The following ZNF347 variants were observed in gnomAD, a reference collection of about 807,000 sequenced individuals.
ZNF347 encodes the protein zinc finger protein 347.
Under a neutral mutation model 12.9 loss-of-function variants are expected in ZNF347, and 19 were observed. The ratio of observed to expected loss-of-function variants is 1.47; its 90% confidence interval spans 1.03 to 2.16. ZNF347 has a LOEUF of 2.16. ZNF347 is among the 30% of genes most tolerant of loss of function. ZNF347 has a pLI of 0.00. For synonymous variants in ZNF347, 328 were observed against 340.6 expected, an observed-to-expected ratio of 0.96 and a Z score of 0.41; for missense variants, 1,005 against 990.6, an observed-to-expected ratio of 1.01 and a Z score of -0.19.
chr19:53,153,608 ACG>A, intron 2 of ZNF347, 123 bp downstream of exon 2: 1 of 1,453,434 alleles, frequency 6.9e-7, no homozygotes, highest in South Asian at 1.2e-5. Context: ...GAGGGAAGGC[ACG>A]CGTAAGTGCG....
rs1313993464 is a variant in ZNF347, at chr19:53,141,660, T to C, written c.1168A>G (p.Ile390Val). ...KAFRARSSLA[I>V]HQATHSGEKP... ...TCTCCACTGTGGGTTGCCTGATGGA[T>C]AGCTAAGCTTGAACGAGCTCTAAAG... The change falls in exon 5 of 5, where the codon ATC (isoleucine) becomes GTC (valine). Residue 390 changes from isoleucine (I) to valine (V), a missense_variant. By Grantham distance (29) the Ile-to-Val change is conservative. Transcript: ENST00000334197. The C allele has an allele frequency of 2.1e-5, 34 of 1,613,944 alleles. No individual in the cohort carries two copies. Among genetic ancestry groups the C allele is most frequent in the Non-Finnish European group, 2.8e-5 (33 of 1,180,006 alleles).
rs111331117 is a variant in ZNF347 at position 53,154,100 on chromosome 19, G to C, written c.-46-307C>G. Reference sequence around the variant, plus strand: ...GGGCTGGACTGAGCTCCCCCATTCAGGGCACAGACCAAGCCCTGACCAAAC... The same window carrying C: ...GGGCTGGACTGAGCTCCCCCATTCACGGCACAGACCAAGCCCTGACCAAAC... On this transcript the variant is annotated intron_variant, in intron 1 of 4. Transcript: ENST00000334197. Among the ~76,000 whole-genome samples the C allele has an allele frequency of 8.4e-3, 1,274 of 152,222 alleles. 17 individuals are homozygous for C. The highest frequency in any genetic ancestry group is 0.026 in the African/African-American group (1,093 of 41,532).
At chr19:53,151,019 C>T (rs1474127936) in intron 2 of ZNF347, among the ~76,000 whole-genome samples, 2 of 152,162 alleles carry the variant, frequency 1.3e-5, no homozygotes, top group African/African-American at 2.4e-5. Flanking sequence ...GGATTACAGG[C>T]GCAAGCCACT....
At position 53,149,121 on chromosome 19, in the gene ZNF347, T is replaced by C. The variant is rs1001875171; in HGVS notation, c.142+120A>G. The C allele has an allele frequency of 1.9e-6, 3 of 1,543,350 alleles. No individual in the cohort carries two copies. In the African/African-American group the frequency reaches 4.2e-5, roughly 22 times the overall value. ...GTTTCCACATTATGGAGATTTTCAT[T>C]TTTCAGTCAACACAGCTTCAGTCTC... On this transcript the variant is annotated intron_variant, in intron 3 of 4. Transcript: ENST00000334197.
At position 53,139,602 on chromosome 19, in the gene ZNF347, G is replaced by GAC. The variant is rs2090406593; in HGVS notation, c.*705_*706insGT. 1 of 152,124 alleles carries GAC rather than the reference G, an allele frequency of 6.6e-6. No individual in the cohort carries two copies. The highest frequency in any genetic ancestry group is 6.5e-5 in the Admixed American group (1 of 15,272). The allele number at this position is 152,124 out of a possible 1,614,324, so 9.4% of individuals were successfully genotyped here. A position where few individuals can be genotyped will look rare whatever the true frequency, so the allele number is the denominator to read the frequency against. ...TAATGTCTTAAGTTTTACCATATTG[G>GAC]AACGTGTAATTATTGTGCAGTTTAT... On this transcript the variant is annotated 3_prime_UTR_variant, in exon 5 of 5. Transcript: ENST00000334197.
Position 53,156,051 on chromosome 19 carries a change from G to A in ZNF347, c.-46-2258C>T, listed in dbSNP as rs866048779. ...TCCCAGGGGACTCCCAGCTCGGGGGGGGGGGGGGGTTAGGCGGGGGTCCTA... is the reference window on the plus strand; with the variant it reads ...TCCCAGGGGACTCCCAGCTCGGGGGAGGGGGGGGGTTAGGCGGGGGTCCTA... On this transcript the variant is annotated intron_variant, in intron 1 of 4. Transcript: ENST00000334197. Among the ~76,000 whole-genome samples, 525 of 139,760 alleles carry A rather than the reference G, an allele frequency of 3.8e-3. 31 individuals are homozygous for A. The highest frequency in any genetic ancestry group is 0.013 in the African/African-American group (492 of 37,142). The allele number at this position is 139,760 out of a possible 152,430, so 91.7% of individuals were successfully genotyped here. A position where few individuals can be genotyped will look rare whatever the true frequency, so the allele number is the denominator to read the frequency against.
In ZNF347 at chr19:53,149,222, G is replaced by A. The variant is rs60815959; in HGVS notation, c.142+19C>T. ...TACACAGGGGCAGATCCTGACTTCT[G>A]GAAGAAAGTCATCCTCACCCAGGGA... On this transcript the variant is annotated intron_variant, in intron 3 of 4. Transcript: ENST00000334197. 11 of 1,610,264 alleles carry A rather than the reference G, an allele frequency of 6.8e-6. No individual in the cohort carries two copies. Among genetic ancestry groups the A allele is most frequent in the East Asian group, 4.5e-5 (2 of 44,830 alleles).
rs756352407 is a variant in ZNF347 at position 53,141,032 on chromosome 19, C to T, written c.1796G>A (p.Cys599Tyr). The change falls in exon 5 of 5, where the codon TGT (cysteine) becomes TAT (tyrosine). Residue 599 changes from cysteine to tyrosine, a missense_variant. Coordinates refer to ENST00000334197, the MANE Select transcript of ZNF347 (RefSeq NM_032584.3). ...CCTAAAGACCTTGCCACATTCATTA[C>T]ATTTATAAGGTTTCTCTCCAGTATG... Reference protein sequence around the residue: ...GIHTGEKPYKCNECGKVFRHN... With the variant: ...GIHTGEKPYKYNECGKVFRHN... The T allele has an allele frequency of 6.2e-7, 1 of 1,613,268 alleles. No individual in the cohort carries two copies. Among genetic ancestry groups the T allele is most frequent in the Non-Finnish European group, 8.5e-7 (1 of 1,179,900 alleles).
intron 3 of ZNF347, 182 bp from the exon 4 acceptor site, chr19:53,148,991 C>T: frequency 5.5e-6 from 6 of 1,088,876 alleles, no homozygotes; most frequent in Non-Finnish European, 7.6e-6. Flanking sequence ...TAGCTCTCAT[C>T]CCAAAACCAC....
intron 1 of ZNF347, among the ~76,000 whole-genome samples, chr19:53,155,972 T>C (rs1040923969): frequency 1.5e-5 from 2 of 134,214 alleles, no homozygotes; most frequent in African/African-American, 5.6e-5. Context: ...ACAGAATACT[T>C]CACCTCTAGT....
In ZNF347 at chr19:53,136,797, GT is replaced by G. The variant is rs1230280461; in HGVS notation, c.*3510del. On this transcript the variant is annotated 3_prime_UTR_variant, in exon 5 of 5. Coordinates refer to ENST00000334197, the MANE Select transcript of ZNF347 (RefSeq NM_032584.3). ...TTTCACAAATATTTTCAAGAATGAC[GT>G]TGTGTAATGGGCCCTATGGGTTCAG... The G allele has an allele frequency of 6.6e-6, 1 of 152,132 alleles. No individual in the cohort carries two copies. The highest frequency in any genetic ancestry group is 2.4e-5 in the African/African-American group (1 of 41,404). 9.4% of individuals were successfully genotyped at this position (152,132 alleles called of 1,614,324 possible).
rs528287032 is a variant in ZNF347, at chr19:53,138,005, C to T, written c.*2303G>A. ...GTATTTTTTAGTAGAGATGGGGTTT[C>T]ACTGTGTTGGCCAGGGTGGTCTCGA... is the stretch of plus-strand genomic sequence containing the variant. On this transcript the variant is annotated 3_prime_UTR_variant, in exon 5 of 5. Coordinates refer to ENST00000334197, the MANE Select transcript of ZNF347 (RefSeq NM_032584.3). The T allele has an allele frequency of 6.6e-6, 1 of 152,242 alleles. No individual in the cohort carries two copies. Among genetic ancestry groups the T allele is most frequent in the African/African-American group, 2.4e-5 (1 of 41,548 alleles). 9.4% of individuals were successfully genotyped at this position (152,242 alleles called of 1,614,324 possible).
chr19:53,158,288 T>G (rs1278001306), intron 1 of ZNF347, among the ~76,000 whole-genome samples: 43 of 151,858 alleles, frequency 2.8e-4, no homozygotes, highest in African/African-American at 1.0e-3. Flanking sequence ...GACGGCGCCT[T>G]AGAAGAGGGG....
Position 53,140,057 on chromosome 19 carries a change from G to A in ZNF347, c.*251C>T. The A allele has an allele frequency of 2.5e-6, 1 of 394,078 alleles. No individual in the cohort carries two copies. Among genetic ancestry groups the A allele is most frequent in the South Asian group, 4.7e-5 (1 of 21,214 alleles). The allele number at this position is 394,078 out of a possible 1,614,324, so 24.4% of individuals were successfully genotyped here. ...CTGGGATTACAGGCGCACGCCACCA[G>A]GCCTAGCTAATTGTGTACTTTTAGT... is the stretch of plus-strand genomic sequence containing the variant. On this transcript the variant is annotated 3_prime_UTR_variant, in exon 5 of 5. Coordinates refer to ENST00000334197, the MANE Select transcript of ZNF347 (RefSeq NM_032584.3).
Position 53,135,703 on chromosome 19 carries a change from G to A in ZNF347, c.*4605C>T, listed in dbSNP as rs2090385339. The A allele has an allele frequency of 6.6e-6, 1 of 152,056 alleles. No homozygotes were observed. Among genetic ancestry groups the A allele is most frequent in the African/African-American group, 2.4e-5 (1 of 41,402 alleles). The allele number at this position is 152,056 out of a possible 1,614,324, so 9.4% of individuals were successfully genotyped here. A position where few individuals can be genotyped will look rare whatever the true frequency, so the allele number is the denominator to read the frequency against. Reference sequence around the variant, plus strand: ...TGATTATTTTGCTTATCTGTCCTAAGTTTCCTCACCTCTGAAATGAGAATA... The same window carrying A: ...TGATTATTTTGCTTATCTGTCCTAAATTTCCTCACCTCTGAAATGAGAATA... On this transcript the variant is annotated 3_prime_UTR_variant, in exon 5 of 5. Transcript: ENST00000334197.
intron 1 of ZNF347, among the ~76,000 whole-genome samples, chr19:53,156,058 G>GGGGGGA: frequency 7.8e-6 from 1 of 128,020 alleles, no homozygotes; most frequent in East Asian, 2.6e-4. Context: ...GGGGGGGGGG[G>GGGGGGA]GGTTAGGCGG....
In ZNF347 at chr19:53,147,419, G is replaced by A. The variant is rs79711772; in HGVS notation, c.271+1262C>T. Among the ~76,000 whole-genome samples the A allele has an allele frequency of 8.9e-4, 135 of 151,994 alleles. No individual in the cohort carries two copies. In the East Asian group the frequency reaches 0.024, roughly 27 times the overall value. On this transcript the variant is annotated intron_variant, in intron 4 of 4. Transcript: ENST00000334197. ...AACAAAAAAACACAATTAGTTGGGC[G>A]TGGTAGTGTGTGCCTGTAACCCCAG...
rs148026925 is a variant in ZNF347, at chr19:53,136,671, C to G, written c.*3637G>C. The stretch of plus-strand genomic sequence containing the variant: ...ATATAACACAGCCTTTGGAAAAATG[C>G]CCTTTGGCTAAAATTGCTTGATCAT... On this transcript the variant is annotated 3_prime_UTR_variant, in exon 5 of 5. Coordinates refer to ENST00000334197, the MANE Select transcript of ZNF347 (RefSeq NM_032584.3). 162 of 152,108 alleles carry G rather than the reference C, an allele frequency of 1.1e-3. No homozygotes were observed. Among genetic ancestry groups the G allele is most frequent in the African/African-American group, 3.5e-3 (145 of 41,482 alleles). The allele number at this position is 152,108 out of a possible 1,614,324, so 9.4% of individuals were successfully genotyped here.
intron 1 of ZNF347, among the ~76,000 whole-genome samples, chr19:53,158,402 C>A (rs1409383407): frequency 1.3e-5 from 2 of 152,180 alleles, no homozygotes; most frequent in African/African-American, 4.8e-5. Flanking sequence ...CTGGGAGGCA[C>A]CCAGGGCGGG....
Sources: gnomAD v4.1 joint callset for allele counts (sites outside exome capture counted in the v4.1 genomes callset) on GRCh38, gnomAD v4.1.1 for gene constraint, MANE v1.5 for transcripts, NCBI Gene and HGNC (gene_info 2026-07-23, HGNC 2026-07-21) for gene names.